CDH2: variants seen among roughly 807,000 people sequenced by gnomAD.
CDH2 encodes the protein cadherin-2.
In CDH2, 17 loss-of-function variants were observed where a neutral mutation model predicts 92.0. That is an observed-to-expected ratio of 0.18 (90% CI 0.13 to 0.28). The LOEUF is 0.28. Among genes scored for constraint, CDH2 ranks in the 10% least tolerant of loss-of-function variants. The probability of loss-of-function intolerance (pLI) is 1.00; values close to 1 mark genes in which losing one functional copy is unlikely to be tolerated. For synonymous variants in CDH2, 419 were observed against 415.9 expected, an observed-to-expected ratio of 1.01 and a Z score of -0.09; for missense variants, 862 against 1,133.1, an observed-to-expected ratio of 0.76 and a Z score of 3.44.
At chr18:28,075,761 A>G (rs2014706778) in intron 2 of CDH2, among the ~76,000 whole-genome samples, 1 of 152,212 alleles carries the variant, frequency 6.6e-6, no homozygotes, top group Non-Finnish European at 1.5e-5. Context: ...TGGAACCTTC[A>G]GATAGTCAAG....
At chr18:28,149,101 G>A (rs1028190161) in intron 1 of CDH2, among the ~76,000 whole-genome samples, 1 of 152,142 alleles carries the variant, frequency 6.6e-6, no homozygotes, top group African/African-American at 2.4e-5. Context: ...CTAAAAAGGT[G>A]TGAGTGGAAG....
chr18:28,150,398 T>A (rs1306934105), intron 1 of CDH2, among the ~76,000 whole-genome samples: 1 of 152,210 alleles, frequency 6.6e-6, no homozygotes, highest in African/African-American at 2.4e-5. Context: ...TTATTCAATC[T>A]TGTTTCCCAG....
intron 7 of CDH2, among the ~76,000 whole-genome samples, chr18:27,996,023 A>T (rs1184892717): frequency 2.0e-5 from 3 of 152,130 alleles, no homozygotes; most frequent in Non-Finnish European, 4.4e-5. Flanking sequence ...CCACTCTCAT[A>T]GTACCTCAGC....
chr18:27,996,672 C>T (rs1168113844), intron 7 of CDH2, among the ~76,000 whole-genome samples: 1 of 152,200 alleles, frequency 6.6e-6, no homozygotes, highest in African/African-American at 2.4e-5. Context: ...CAGACACACA[C>T]ACACGTGTCC....
chr18:27,961,444 A>G (rs977807522), intron 15 of CDH2, among the ~76,000 whole-genome samples: 1 of 152,034 alleles, frequency 6.6e-6, no homozygotes. Flanking sequence ...CCTCACAGAG[A>G]AATGTTTTGG....
At chr18:27,988,004 A>T (rs917158396) in intron 11 of CDH2, among the ~76,000 whole-genome samples, 1 of 152,098 alleles carries the variant, frequency 6.6e-6, no homozygotes, top group Non-Finnish European at 1.5e-5. Flanking sequence ...ATCTTAACCA[A>T]TGAGAAACCA....
intron 2 of CDH2, among the ~76,000 whole-genome samples, chr18:28,089,211 G>A (rs539180857): frequency 6.6e-6 from 1 of 152,130 alleles, no homozygotes; most frequent in East Asian, 1.9e-4. Flanking sequence ...GCCAAACCTA[G>A]ATCTTTGACT....
At chr18:27,987,851 G>C (rs17493444) in intron 11 of CDH2, among the ~76,000 whole-genome samples, 31 of 152,292 alleles carry the variant, frequency 2.0e-4, no homozygotes, top group African/African-American at 7.0e-4. Context: ...GCCGGAGTCT[G>C]CACCTGGGGG....
chr18:28,131,028 C>A (rs1211729303), intron 2 of CDH2, among the ~76,000 whole-genome samples: 1 of 152,108 alleles, frequency 6.6e-6, no homozygotes, highest in African/African-American at 2.4e-5. Context: ...CCTCGGCTAA[C>A]CAGACATAAC....
At chr18:27,950,939 TAGAAA>T (rs1209163728), downstream of CDH2, 1 of 152,498 alleles carries the variant, frequency 6.6e-6, no homozygotes, top group African/African-American at 2.4e-5. Flanking sequence ...GCAGCTCAAG[TAGAAA>T]AGAAAAAGTT....
chr18:28,002,315 T>C (rs2012793705), intron 7 of CDH2, among the ~76,000 whole-genome samples: 1 of 152,212 alleles, frequency 6.6e-6, no homozygotes, highest in African/African-American at 2.4e-5. Flanking sequence ...GATGGCCCAC[T>C]GGGAATTAAA....
In CDH2 at chr18:27,992,792, G is replaced by T; in HGVS notation, c.1207C>A (p.Leu403Ile). The change falls in exon 9 of 16, where the codon CTA (leucine) becomes ATA (isoleucine). Residue 403 changes from leucine (L) to isoleucine (I), a missense_variant. Physicochemically the swap from Leu to Ile is conservative, Grantham distance 5. This residue lies in a region of CDH2 where 564 missense variants were observed against 722.2 expected (regional missense o/e 0.78). Coordinates refer to ENST00000269141, the MANE Select transcript of CDH2 (RefSeq NM_001792.5). The part of the protein sequence containing the change: ...ENRVDIIVAN[L>I]TVTDKDQPHT... ...GGTTGATCCTTATCGGTCACAGTTA[G>T]ATTAGCTACTATGATGTCTACCCTG... The T allele has an allele frequency of 6.2e-7, 1 of 1,613,920 alleles. No homozygotes were observed. Among genetic ancestry groups the T allele is most frequent in the Non-Finnish European group, 8.5e-7 (1 of 1,179,838 alleles).
chr18:27,936,805 A>G (rs1909030729), intron 6 of CDH2, among the ~76,000 whole-genome samples: 3 of 151,972 alleles, frequency 2.0e-5, no homozygotes, highest in African/African-American at 7.3e-5. Context: ...AAGTGCTGGG[A>G]TTGGCATTAC....
At chr18:28,126,151 T>C (rs1243749591) in intron 2 of CDH2, among the ~76,000 whole-genome samples, 1 of 152,196 alleles carries the variant, frequency 6.6e-6, no homozygotes, top group Non-Finnish European at 1.5e-5. Flanking sequence ...TCAAATGTTA[T>C]TTTGAAGACT....
rs199791810 is a variant in CDH2 at position 28,074,690 on chromosome 18, C to CTT, written c.173-60782_173-60781insAA. Among the ~76,000 whole-genome samples, 437 of 136,230 alleles carry CTT rather than the reference C, an allele frequency of 3.2e-3. 2 individuals carry two copies. Among genetic ancestry groups the CTT allele is most frequent in the Non-Finnish European group, 5.0e-3 (327 of 65,188 alleles). 89.4% of individuals were successfully genotyped at this position (136,230 alleles called of 152,430 possible). On this transcript the variant is annotated intron_variant, in intron 2 of 15. Coordinates refer to ENST00000269141, the MANE Select transcript of CDH2 (RefSeq NM_001792.5). ...AATTTAACTCCTAACTAAAGGAGGC[C>CTT]CTTTTTTTTTTTTAACTATTTAAAT...
At chr18:28,096,750 C>T (rs763225487) in intron 2 of CDH2, among the ~76,000 whole-genome samples, 1 of 152,096 alleles carries the variant, frequency 6.6e-6, no homozygotes, top group East Asian at 1.9e-4. Flanking sequence ...ACTGCATAAA[C>T]AAAACAAAAA....
chr18:28,172,001 T>C (rs796603159), intron 1 of CDH2, among the ~76,000 whole-genome samples: 5 of 152,220 alleles, frequency 3.3e-5, no homozygotes, highest in African/African-American at 1.2e-4. Flanking sequence ...AATTATTGAT[T>C]GACACTTCAT....
At chr18:28,103,098 A>T (rs1394741857) in intron 2 of CDH2, among the ~76,000 whole-genome samples, 1 of 149,742 alleles carries the variant, frequency 6.7e-6, no homozygotes, top group Admixed American at 6.7e-5. Flanking sequence ...GAAACAAATG[A>T]AGTAATGTAA....
intron 2 of CDH2, among the ~76,000 whole-genome samples, chr18:28,142,076 C>T (rs1461833374): frequency 6.6e-6 from 1 of 151,982 alleles, no homozygotes. Context: ...GTATATTTTA[C>T]TTATTTATTG....
Sources: allele counts gnomAD v4.1 joint callset (sites outside exome capture counted in the v4.1 genomes callset), GRCh38; gene constraint gnomAD v4.1.1; regional missense constraint gnomAD v4.1.1; transcripts MANE v1.5; gene names NCBI Gene and HGNC (gene_info 2026-07-23, HGNC 2026-07-21).